Variants in OR4D1 observed in about 807,000 individuals in gnomAD.
The protein encoded by OR4D1 is olfactory receptor 4D1.
Under a neutral mutation model 14.2 loss-of-function variants are expected in OR4D1, and 10 were observed. The ratio of observed to expected loss-of-function variants is 0.71; its 90% CI spans 0.44 to 1.20. The LOEUF is 1.20. Ranked by LOEUF, OR4D1 falls within the 50% of genes most tolerant of loss-of-function variation. OR4D1 has a pLI of 0.00. For missense variants in OR4D1, 345 were observed against 376.6 expected (o/e 0.92, Z 0.70); for synonymous variants, 141 against 147.4 (o/e 0.96, Z 0.32).
rs913056973 is a variant in OR4D1, at chr17:58,156,254, CTTT to C, written c.*181_*183del. 870 of 493,442 alleles carry C rather than the reference CTTT, an allele frequency of 1.8e-3. No individual in the cohort carries two copies. The highest frequency in any genetic ancestry group is 2.3e-3 in the South Asian group (81 of 35,658). The allele number at this position is 493,442 out of a possible 1,614,324, so 30.6% of individuals were successfully genotyped here. A position where few individuals can be genotyped will look rare whatever the true frequency, so the allele number is the denominator to read the frequency against. ...TGTTAAGCACTTCCACGCTTTTTTT[CTTT>C]TTTTTTTTTTTTAGATGGAGCCTTG... On this transcript the variant is annotated 3_prime_UTR_variant, in exon 4 of 4. Coordinates refer to ENST00000268912, the MANE Select transcript of OR4D1 (RefSeq NM_001386095.1).
chr17:58,158,073 T>C lies in OR4D1; in HGVS notation c.*1987T>C, dbSNP rs987050790. On this transcript the variant is annotated 3_prime_UTR_variant, in exon 4 of 4. Transcript: ENST00000268912. Reference sequence around the variant, plus strand: ...GATGGTTTTTATGTATAAATATATATATAATAAAATATAATACATTTGTAT... The same window carrying C: ...GATGGTTTTTATGTATAAATATATACATAATAAAATATAATACATTTGTAT... 6.8e-5 allele frequency: 11 copies of C among 162,720 alleles called. No homozygotes were observed. Among genetic ancestry groups the C allele is most frequent in the Non-Finnish European group, 1.3e-4 (10 of 75,792 alleles). 10.1% of individuals were successfully genotyped at this position (162,720 alleles called of 1,614,324 possible). A position where few individuals can be genotyped will look rare whatever the true frequency, so the allele number is the denominator to read the frequency against.
chr17:58,151,034 T>C (rs936854635), intron 2 of OR4D1, among the ~76,000 whole-genome samples: 3 of 152,192 alleles, frequency 2.0e-5, no homozygotes, highest in African/African-American at 7.2e-5. Context: ...AGAAAATATA[T>C]GTTCCATCAA....
Position 58,155,716 on chromosome 17 carries a change from C to CTCA in OR4D1, c.563_564insTCA (p.Ala188_Cys189insHis). ...GATGTTCCCCAAGTACTGAGACTTG[C>CTCA]CTGCACTGATACCTCCCTCCTGGAG... On this transcript the variant is annotated inframe_insertion, in exon 4 of 4. Coordinates refer to ENST00000268912, the MANE Select transcript of OR4D1 (RefSeq NM_001386095.1). 1.2e-6 allele frequency: 2 copies of CTCA among 1,614,106 alleles called. No homozygotes were observed. Among genetic ancestry groups the CTCA allele is most frequent in the African/African-American group, 2.7e-5 (2 of 75,028 alleles).
chr17:58,150,222 C>T (rs1348069743), intron 2 of OR4D1, among the ~76,000 whole-genome samples: 1 of 151,382 alleles, frequency 6.6e-6, no homozygotes, highest in Non-Finnish European at 1.5e-5. Context: ...CCCCTGAAAT[C>T]CTAACTAAGT....
At position 58,155,319 on chromosome 17, in the gene OR4D1, C is replaced by T; in HGVS notation, c.166C>T (p.His56Tyr). ...MVTVTFDCRL[H>Y]TPMYFLLRNL... is the part of the protein sequence containing the mutation. ...CACAGTGACTTTTGACTGCCGGCTC[C>T]ACACACCCATGTATTTTCTGCTCCG... Residue 56 changes from histidine to tyrosine, a missense_variant, in exon 4 of 4, where the codon CAC (histidine) becomes TAC (tyrosine). Physicochemically the swap from His to Tyr is moderately conservative, Grantham distance 83. Transcript: ENST00000268912. 1 of 1,607,316 alleles carries T rather than the reference C, an allele frequency of 6.2e-7. No homozygotes were observed. The highest frequency in any genetic ancestry group is 8.5e-7 in the Non-Finnish European group (1 of 1,179,966).
At chr17:58,152,767 C>G (rs1967716879) in intron 2 of OR4D1, among the ~76,000 whole-genome samples, 1 of 151,998 alleles carries the variant, frequency 6.6e-6, no homozygotes, top group Non-Finnish European at 1.5e-5. Context: ...GACCCTGTCT[C>G]TACTAAAAAT....
Position 58,157,946 on chromosome 17 carries a change from C to A in OR4D1, c.*1860C>A. The A allele has an allele frequency of 1.4e-6, 1 of 723,988 alleles. No individual in the cohort carries two copies. Among genetic ancestry groups the A allele is most frequent in the South Asian group, 1.7e-5 (1 of 58,710 alleles). 44.8% of individuals were successfully genotyped at this position (723,988 alleles called of 1,614,324 possible). On this transcript the variant is annotated 3_prime_UTR_variant, in exon 4 of 4. Transcript: ENST00000268912. ...CTAAGCGGCTAGGCCGGCAGGGCCACACGACACAGCTGAAGTTTGTTCTTT... is the reference window on the plus strand; with the variant it reads ...CTAAGCGGCTAGGCCGGCAGGGCCAAACGACACAGCTGAAGTTTGTTCTTT...
At chr17:58,151,453 T>C (rs938193371) in intron 2 of OR4D1, among the ~76,000 whole-genome samples, 2 of 152,190 alleles carry the variant, frequency 1.3e-5, no homozygotes, top group African/African-American at 4.8e-5. Flanking sequence ...TGTGTGTTTT[T>C]TCCCCTCACG....
intron 3 of OR4D1, 29 bp from the exon 4 acceptor site, chr17:58,155,098 TTTTGTTTG>T: frequency 3.8e-6 from 5 of 1,299,044 alleles, no homozygotes; most frequent in Non-Finnish European, 5.4e-6. Flanking sequence ...TTTTCATTTT[TTTTGTTTG>T]TTTGTTTGTT....
rs544350670 is a variant in OR4D1, at chr17:58,157,755, T to C, written c.*1669T>C. The C allele has an allele frequency of 4.3e-6, 7 of 1,612,614 alleles. No homozygotes were observed. The South Asian group carries it at 7.7e-5, about 18-fold the overall frequency. On this transcript the variant is annotated 3_prime_UTR_variant, in exon 4 of 4. Coordinates refer to ENST00000268912, the MANE Select transcript of OR4D1 (RefSeq NM_001386095.1). ...AGACCTGTGCTTCCCATCCCGCCCG[T>C]GGGACTCTATGCCACGCCAGTGGGA...
intron 1 of OR4D1, among the ~76,000 whole-genome samples, chr17:58,148,929 A>G (rs905945597): frequency 6.6e-6 from 1 of 152,008 alleles, no homozygotes; most frequent in East Asian, 1.9e-4. Context: ...CACTCACTCC[A>G]GATTTTCTTC....
At chr17:58,150,305 T>C (rs1967685276) in intron 2 of OR4D1, among the ~76,000 whole-genome samples, 1 of 152,138 alleles carries the variant, frequency 6.6e-6, no homozygotes, top group Non-Finnish European at 1.5e-5. Context: ...AGGGGGAAGA[T>C]GTTGTTGAAG....
Position 58,158,459 on chromosome 17 carries a change from C to CA in OR4D1, c.*2374dup, listed in dbSNP as rs1555589833. The CA allele has an allele frequency of 3.0e-5, 4 of 131,972 alleles. No homozygotes were observed. The highest frequency in any genetic ancestry group is 2.5e-4 in the East Asian group (1 of 4,066). The allele number at this position is 131,972 out of a possible 1,614,324, so 8.2% of individuals were successfully genotyped here. On this transcript the variant is annotated 3_prime_UTR_variant, in exon 4 of 4. Transcript: ENST00000268912. ...TCTCTCCCCACGCCCACCCCCCCCC[C>CA]ACACACACATTTTTACAGTTTTACC...
Position 58,157,023 on chromosome 17 carries a change from C to A in OR4D1, c.*937C>A. 1.0e-6 allele frequency: 1 copy of A among 967,402 alleles called. No homozygotes were observed. The highest frequency in any genetic ancestry group is 1.6e-6 in the Non-Finnish European group (1 of 634,552). The allele number at this position is 967,402 out of a possible 1,614,324, so 59.9% of individuals were successfully genotyped here. A position where few individuals can be genotyped will look rare whatever the true frequency, so the allele number is the denominator to read the frequency against. ...GCTACGTAGGGCAGGGAAGGCATGG[C>A]TTCTGTTTTCGTCCAATGAGAAGGG... On this transcript the variant is annotated 3_prime_UTR_variant, in exon 4 of 4. Coordinates refer to ENST00000268912, the MANE Select transcript of OR4D1 (RefSeq NM_001386095.1).
Position 58,156,216 on chromosome 17 carries a change from G to C in OR4D1, c.*130G>C. The C allele has an allele frequency of 1.5e-6, 1 of 666,848 alleles. No homozygotes were observed. Among genetic ancestry groups the C allele is most frequent in the Non-Finnish European group, 2.5e-6 (1 of 398,864 alleles). 41.3% of individuals were successfully genotyped at this position (666,848 alleles called of 1,614,324 possible). A position where few individuals can be genotyped will look rare whatever the true frequency, so the allele number is the denominator to read the frequency against. ...TTATATTTCTTGAGGACCTAGTGCT[G>C]TGTCAAGTACTGTGTTAAGCACTTC... is the stretch of plus-strand genomic sequence containing the variant. On this transcript the variant is annotated 3_prime_UTR_variant, in exon 4 of 4. Transcript: ENST00000268912.
intron 2 of OR4D1, among the ~76,000 whole-genome samples, chr17:58,152,937 A>G (rs1478980274): frequency 6.6e-6 from 1 of 152,222 alleles, no homozygotes; most frequent in African/African-American, 2.4e-5. Context: ...CCTGTCTGAA[A>G]AAAAGAAAAA....
rs150191859 is a variant in OR4D1 at position 58,159,576 on chromosome 17, T to A, written c.*3490T>A. ...GAACTGCAAAAGAATAAATTTCTGT[T>A]CTTTACAAATCATGCAGTCTGTGGT... On this transcript the variant is annotated 3_prime_UTR_variant, in exon 4 of 4. Coordinates refer to ENST00000268912, the MANE Select transcript of OR4D1 (RefSeq NM_001386095.1). The A allele has an allele frequency of 3.3e-5, 5 of 152,410 alleles. No homozygotes were observed. Among genetic ancestry groups the A allele is most frequent in the Non-Finnish European group, 5.9e-5 (4 of 68,076 alleles). The allele number at this position is 152,410 out of a possible 1,614,324, so 9.4% of individuals were successfully genotyped here.
At position 58,157,474 on chromosome 17, in the gene OR4D1, G is replaced by A; in HGVS notation, c.*1388G>A. ...CCACGTCCCAGCTCCTCGCTCTGGA[G>A]GGCAAGTTGCTCCAGAAACAGTACC... is the stretch of plus-strand genomic sequence containing the variant. On this transcript the variant is annotated 3_prime_UTR_variant, in exon 4 of 4. Transcript: ENST00000268912. 2.7e-6 allele frequency: 3 copies of A among 1,131,170 alleles called. No homozygotes were observed. Among genetic ancestry groups the A allele is most frequent in the Non-Finnish European group, 2.7e-6 (2 of 745,784 alleles). The allele number at this position is 1,131,170 out of a possible 1,614,324, so 70.1% of individuals were successfully genotyped here.
At chr17:58,150,411 T>C (rs1967686553) in intron 2 of OR4D1, among the ~76,000 whole-genome samples, 1 of 152,128 alleles carries the variant, frequency 6.6e-6, no homozygotes, top group African/African-American at 2.4e-5. Context: ...ATAAGCCAGA[T>C]AGGAAAAATA....
Sources: gnomAD v4.1 joint callset for allele counts (sites outside exome capture counted in the v4.1 genomes callset) on GRCh38, gnomAD v4.1.1 for gene constraint, MANE v1.5 for transcripts, NCBI Gene and HGNC (gene_info 2026-07-23, HGNC 2026-07-21) for gene names.